The following SPDYE5 variants were observed in gnomAD, a reference collection of about 807,000 sequenced individuals.
The protein encoded by SPDYE5 is speedy protein E5.
A neutral mutation model predicts 48.5 loss-of-function variants in SPDYE5; 15 were observed. The ratio of observed to expected loss-of-function variants is 0.31; its 90% CI spans 0.21 to 0.48. The LOEUF (loss-of-function observed/expected upper bound fraction) is 0.48. SPDYE5 is among the 20% of genes least tolerant of loss of function. SPDYE5 has a pLI of 0.99. For missense variants in SPDYE5, 331 were observed against 549.1 expected, an observed-to-expected ratio of 0.60 and a Z score of 3.97; for synonymous variants, 116 against 200.7, an observed-to-expected ratio of 0.58 and a Z score of 3.57.
intron 4 of SPDYE5, among the ~76,000 whole-genome samples, 176 bp downstream of exon 4, chr7:75,497,080 C>T (rs1792961986): frequency 6.6e-6 from 1 of 151,804 alleles, no homozygotes; most frequent in South Asian, 2.1e-4. Context: ...AGGATTAGGT[C>T]AACTTGATAA....
In SPDYE5 at chr7:75,494,283, C is replaced by T. The variant is rs10230587; in HGVS notation, c.160+76C>T. The T allele has an allele frequency of 8.6e-6, 13 of 1,504,910 alleles. No individual in the cohort carries two copies. The African/African-American group carries it at 9.7e-5, about 11-fold the overall frequency. The allele number at this position is 1,504,910 out of a possible 1,614,324, so 93.2% of individuals were successfully genotyped here. On this transcript the variant is annotated intron_variant, in intron 2 of 8. Transcript: ENST00000625065. ...GAAGGGGGCCAGGTGCGGTGGCTCA[C>T]GCCTGTAACCCCAGCACTTTGGGAG... is the stretch of plus-strand genomic sequence containing the variant.
chr7:75,493,270 C>A (rs1325968340), intron 1 of SPDYE5, among the ~76,000 whole-genome samples: 205 of 148,230 alleles, frequency 1.4e-3, no homozygotes, highest in Non-Finnish European at 1.8e-3. Flanking sequence ...CATGGATTCC[C>A]TGAAATTGGG....
At chr7:75,502,681 C>T (rs1360362881) in intron 8 of SPDYE5, among the ~76,000 whole-genome samples, 152 bp from the exon 9 acceptor site, 4 of 151,668 alleles carry the variant, frequency 2.6e-5, no homozygotes, top group African/African-American at 9.7e-5. Context: ...AGTTGAACAC[C>T]AAGGTTCAGA....
intron 3 of SPDYE5, among the ~76,000 whole-genome samples, chr7:75,495,897 A>G (rs1554482453): frequency 6.6e-6 from 1 of 151,906 alleles, no homozygotes; most frequent in East Asian, 1.9e-4. Flanking sequence ...AAAATTAGCC[A>G]GGCATGCCTG....
At position 75,495,381 on chromosome 7, in the gene SPDYE5, G is replaced by C; in HGVS notation, c.379+7G>C. On this transcript the variant is annotated splice_region_variant and intron_variant, in intron 3 of 8. Transcript: ENST00000625065. ...GGCTTCAACAGTCAGCTTGGTAGGA[G>C]GACACCCCAGAGAGCACCTCCAATC... The C allele has an allele frequency of 6.3e-7, 1 of 1,597,434 alleles. No homozygotes were observed. The highest frequency in any genetic ancestry group is 2.2e-5 in the East Asian group (1 of 44,844).
Position 75,494,064 on chromosome 7 carries a change from C to A in SPDYE5, c.17C>A (p.Thr6Asn). 1 of 1,533,084 alleles carries A rather than the reference C, an allele frequency of 6.5e-7. No individual in the cohort carries two copies. Among genetic ancestry groups the A allele is most frequent in the Non-Finnish European group, 8.7e-7 (1 of 1,146,268 alleles). The allele number at this position is 1,533,084 out of a possible 1,614,324, so 95.0% of individuals were successfully genotyped here. ...AAGAAGGCCATGGACAGAACGGAGA[C>A]TAGGTTCCGTAAGAGGGGACAGATT... MDRTETRFRKRGQITE... is the reference protein window; with the variant it reads MDRTENRFRKRGQITE... Residue 6 changes from threonine to asparagine, a missense_variant, in exon 2 of 9, where the codon ACT (threonine) becomes AAT (asparagine). Physicochemically the swap from Thr to Asn is moderately conservative, Grantham distance 65. Transcript: ENST00000625065.
chr7:75,500,825 C>T (rs1554483313), intron 6 of SPDYE5, among the ~76,000 whole-genome samples: 1 of 152,140 alleles, frequency 6.6e-6, no homozygotes, highest in East Asian at 1.9e-4. Context: ...TCTTATGCTT[C>T]AGCCTCCTGA....
Position 75,495,494 on chromosome 7 carries a change from G to C in SPDYE5, c.379+120G>C, listed in dbSNP as rs587747444. ...CCCCGTGGGTGAGCTCTCCACGCAG[G>C]AGGACTCAGAAGTGATCACTCATGA... On this transcript the variant is annotated intron_variant, in intron 3 of 8. Coordinates refer to ENST00000625065, the MANE Select transcript of SPDYE5 (RefSeq NM_001306141.4). The C allele has an allele frequency of 3.9e-6, 6 of 1,538,248 alleles. No individual in the cohort carries two copies. In the South Asian group the frequency reaches 7.2e-5, roughly 18 times the overall value.
rs1792825572 is a variant in SPDYE5 at position 75,493,885 on chromosome 7, C to G, written c.-163C>G. 3 of 1,454,970 alleles carry G rather than the reference C, an allele frequency of 2.1e-6. No individual in the cohort carries two copies. Among genetic ancestry groups the G allele is most frequent in the Non-Finnish European group, 2.7e-6 (3 of 1,108,192 alleles). The allele number at this position is 1,454,970 out of a possible 1,614,324, so 90.1% of individuals were successfully genotyped here. A position where few individuals can be genotyped will look rare whatever the true frequency, so the allele number is the denominator to read the frequency against. On this transcript the variant is annotated 5_prime_UTR_variant, in exon 2 of 9. It adds an upstream start codon to the 5' untranslated region. Coordinates refer to ENST00000625065, the MANE Select transcript of SPDYE5 (RefSeq NM_001306141.4). ...GCCAGGTTGGCATGAGCGATGACAT[C>G]AGAGATTCCGACCATCCTGATTGGA...
In SPDYE5 at chr7:75,503,747, A is replaced by C. The variant is rs1453321222; in HGVS notation, c.*960A>C. 1 of 149,390 alleles carries C rather than the reference A, an allele frequency of 6.7e-6. No homozygotes were observed. Among genetic ancestry groups the C allele is most frequent in the Non-Finnish European group, 1.5e-5 (1 of 67,432 alleles). The allele number at this position is 149,390 out of a possible 1,614,324, so 9.3% of individuals were successfully genotyped here. On this transcript the variant is annotated 3_prime_UTR_variant, in exon 9 of 9. Coordinates refer to ENST00000625065, the MANE Select transcript of SPDYE5 (RefSeq NM_001306141.4). ...CTATTTTATTGGTTTATTTTGAAAA[A>C]CATGGGTATAGAATTATTTAAATAT...
intron 5 of SPDYE5, among the ~76,000 whole-genome samples, chr7:75,498,405 T>C (rs1225746352): frequency 6.6e-6 from 1 of 151,902 alleles, no homozygotes; most frequent in Non-Finnish European, 1.5e-5. Context: ...ATTATAGACG[T>C]CAGCCACTGT....
At position 75,503,462 on chromosome 7, in the gene SPDYE5, A is replaced by G. The variant is rs1793221873; in HGVS notation, c.*675A>G. The G allele has an allele frequency of 6.5e-6, 1 of 153,710 alleles. No homozygotes were observed. Among genetic ancestry groups the G allele is most frequent in the Admixed American group, 6.5e-5 (1 of 15,426 alleles). The allele number at this position is 153,710 out of a possible 1,614,324, so 9.5% of individuals were successfully genotyped here. ...TCATTTTTAAGAGACAATTCTTTTT[A>G]TCCTAAATATTTTATTATCTTTAAA... On this transcript the variant is annotated 3_prime_UTR_variant, in exon 9 of 9. Transcript: ENST00000625065.
rs1356242874 is a variant in SPDYE5, at chr7:75,504,267, T to C, written c.*1480T>C. On this transcript the variant is annotated 3_prime_UTR_variant, in exon 9 of 9. Transcript: ENST00000625065. Reference sequence around the variant, plus strand: ...CAAGAGAACAATAGAGTGCGTCTCTTGGGGAAACATAATAAAAATGAACTT... The same window carrying C: ...CAAGAGAACAATAGAGTGCGTCTCTCGGGGAAACATAATAAAAATGAACTT... 2 of 151,732 alleles carry C rather than the reference T, an allele frequency of 1.3e-5. No homozygotes were observed. The highest frequency in any genetic ancestry group is 1.3e-4 in the Admixed American group (2 of 15,194). 9.4% of individuals were successfully genotyped at this position (151,732 alleles called of 1,614,324 possible). A position where few individuals can be genotyped will look rare whatever the true frequency, so the allele number is the denominator to read the frequency against.
rs587641701 is a variant in SPDYE5 at position 75,502,030 on chromosome 7, C to T, written c.*45+48C>T. On this transcript the variant is annotated intron_variant, in intron 8 of 8. Transcript: ENST00000625065. The stretch of plus-strand genomic sequence containing the variant: ...AAAGGCAGAATATTGGGGTCTATTT[C>T]GGAAATCCGAAGAACCCAATTGCTT... 2.5e-3 allele frequency: 3,819 copies of T among 1,521,146 alleles called. 60 individuals carry two copies. The African/African-American group carries it at 0.037, about 15-fold the overall frequency. The allele number at this position is 1,521,146 out of a possible 1,614,324, so 94.2% of individuals were successfully genotyped here.
At chr7:75,500,671 C>A (rs1318235108) in intron 6 of SPDYE5, among the ~76,000 whole-genome samples, 2 of 151,960 alleles carry the variant, frequency 1.3e-5, no homozygotes, top group African/African-American at 4.8e-5. Flanking sequence ...TTAGCTCCGA[C>A]TACAGGGCTG....
intron 2 of SPDYE5, 171 bp from the exon 3 acceptor site, chr7:75,494,984 AG>A: frequency 6.9e-7 from 1 of 1,439,720 alleles, no homozygotes; most frequent in Non-Finnish European, 9.1e-7. Context: ...AAGAATGGGG[AG>A]GGGAAGGAGC....
Position 75,502,885 on chromosome 7 carries a change from C to A in SPDYE5, c.*98C>A. 6.6e-6 allele frequency: 6 copies of A among 906,996 alleles called. No individual in the cohort carries two copies. The highest frequency in any genetic ancestry group is 9.2e-6 in the Non-Finnish European group (6 of 654,950). The allele number at this position is 906,996 out of a possible 1,614,324, so 56.2% of individuals were successfully genotyped here. ...TTTCAGCAGGAACTTTATTCCAATG[C>A]TAATGGCAGACACCAGGAAGGAGGA... On this transcript the variant is annotated 3_prime_UTR_variant, in exon 9 of 9. Coordinates refer to ENST00000625065, the MANE Select transcript of SPDYE5 (RefSeq NM_001306141.4).
chr7:75,496,695 C>A lies in SPDYE5; in HGVS notation c.401C>A (p.Pro134His). Residue 134 changes from proline (P) to histidine (H), a missense_variant, in exon 4 of 9, where the codon CCC becomes CAC. Physicochemically the swap from Pro to His is moderately conservative, Grantham distance 77. This residue lies in a region of SPDYE5 where 65 missense variants were observed against 138.2 expected (regional missense o/e 0.47). Coordinates refer to ENST00000625065, the MANE Select transcript of SPDYE5 (RefSeq NM_001306141.4). ...TCAGCCCCTGGGGTAGATCCCAGCC[C>A]CCCGCATAGGTCCTTTTGCTGGAAA... The part of the protein sequence containing the change: ...SQLAPGVDPS[P>H]PHRSFCWKRK... The A allele has an allele frequency of 1.3e-6, 2 of 1,597,114 alleles. No individual in the cohort carries two copies. Among genetic ancestry groups the A allele is most frequent in the East Asian group, 2.2e-5 (1 of 44,828 alleles).
At chr7:75,494,954 T>A in intron 2 of SPDYE5, 1 of 1,447,550 alleles carries the variant, frequency 6.9e-7, no homozygotes, top group East Asian at 2.5e-5. Context: ...TGAAGCAGTG[T>A]TCGGAGGACA....
Sources: gnomAD v4.1 joint callset for allele counts (sites outside exome capture counted in the v4.1 genomes callset) on GRCh38, gnomAD v4.1.1 for gene constraint, gnomAD v4.1.1 regional missense constraint, MANE v1.5 for transcripts, NCBI Gene and HGNC (gene_info 2026-07-23, HGNC 2026-07-21) for gene names.